The following GDAP1 variants were observed in gnomAD, a reference collection of about 807,000 sequenced individuals.
The protein encoded by GDAP1 is ganglioside induced differentiation associated protein 1, also known as ganglioside-induced differentiation-associated protein 1.
Under a neutral mutation model 40.1 loss-of-function variants are expected in GDAP1, and 34 were observed. The ratio of observed to expected loss-of-function variants is 0.85; its 90% CI spans 0.64 to 1.13. The LOEUF is 1.13. Among genes scored for constraint, GDAP1 ranks in the 50% most tolerant of loss-of-function variants. The probability of loss-of-function intolerance (pLI) is 0.00; values close to 1 mark genes in which losing one functional copy is unlikely to be tolerated. For synonymous variants in GDAP1, 170 were observed against 157.4 expected, an observed-to-expected ratio of 1.08 and a Z score of -0.60; for missense variants, 374 against 433.7, an observed-to-expected ratio of 0.86 and a Z score of 1.22.
At chr8:74,415,538 G>C (rs141293796) in intron 2 of GDAP1, among the ~76,000 whole-genome samples, 1 of 150,102 alleles carries the variant, frequency 6.7e-6, no homozygotes, top group Non-Finnish European at 1.5e-5. Context: ...GCAGAAAACT[G>C]TAAGTCCACA....
Position 74,356,535 on chromosome 8 carries a change from T to C in GDAP1, c.311-3602T>C, listed in dbSNP as rs73345380. On this transcript the variant is annotated intron_variant, in intron 2 of 5. Transcript: ENST00000220822. ...TTTGACACCGGGTCTTTTTGTTTTT[T>C]TTCTTATCTGTATTTAGATTTGCTC... Among the ~76,000 whole-genome samples the C allele has an allele frequency of 5.5e-3, 837 of 151,994 alleles. 8 individuals are homozygous for C. Among genetic ancestry groups the C allele is most frequent in the African/African-American group, 0.018 (743 of 41,496 alleles).
At chr8:74,437,573 A>G (rs1806107973) in intron 2 of GDAP1, among the ~76,000 whole-genome samples, 1 of 152,108 alleles carries the variant, frequency 6.6e-6, no homozygotes, top group African/African-American at 2.4e-5. Context: ...TCTCTTTCCC[A>G]TGCTGAGTTT....
At chr8:74,394,871 C>A (rs1461496696) in intron 2 of GDAP1, among the ~76,000 whole-genome samples, 1 of 152,112 alleles carries the variant, frequency 6.6e-6, no homozygotes, top group Non-Finnish European at 1.5e-5. Context: ...GGAACCAGGT[C>A]ATGTCAGGAA....
In GDAP1 at chr8:74,392,163, G is replaced by A. The variant is rs141761361; in HGVS notation, c.165+40842G>A. 6.0e-3 allele frequency among the ~76,000 whole-genome samples: 913 copies of A among 152,212 alleles called. 8 individuals carry two copies. The highest frequency in any genetic ancestry group is 0.02 in the African/African-American group (830 of 41,532). The stretch of plus-strand genomic sequence containing the variant: ...TACATATTGATTTCAGATACAGGGC[G>A]CAATAAAATCAGATCCAGTTATTTA... On this transcript the variant is annotated intron_variant, in intron 2 of 2. Coordinates refer to the GDAP1 transcript ENST00000523640.
intron 2 of GDAP1, among the ~76,000 whole-genome samples, chr8:74,437,966 T>A (rs1230095687): frequency 6.6e-6 from 1 of 152,152 alleles, no homozygotes; most frequent in African/African-American, 2.4e-5. Context: ...CACTGTGGTA[T>A]GTAGGAATAG....
At position 74,461,011 on chromosome 8, in the gene GDAP1, GC is replaced by G. The variant is rs1806394238; in HGVS notation, c.166-27666del. On this transcript the variant is annotated intron_variant, in intron 2 of 2. Transcript: ENST00000523640. ...GAGAGGGTATTCTCTATCCTCTTGG[GC>G]TTTCCCTACAGAACATCTTCTGCCA... Among the ~76,000 whole-genome samples, 3 of 151,788 alleles carry G rather than the reference GC, an allele frequency of 2.0e-5. No individual in the cohort carries two copies. In the South Asian group the frequency reaches 6.3e-4, roughly 32 times the overall value.
intron 2 of GDAP1, among the ~76,000 whole-genome samples, chr8:74,419,488 G>A (rs73331328): frequency 2.2e-3 from 331 of 152,184 alleles, no homozygotes; most frequent in African/African-American, 7.2e-3. Flanking sequence ...ACATATTCGG[G>A]TTTGGGGATT....
intron 2 of GDAP1, among the ~76,000 whole-genome samples, chr8:74,413,577 C>T (rs1805741759): frequency 6.7e-6 from 1 of 149,834 alleles, no homozygotes; most frequent in South Asian, 2.1e-4. Context: ...TTTTCTCATG[C>T]CCCATCTCTC....
chr8:74,384,722 G>A (rs73689113), intron 2 of GDAP1, among the ~76,000 whole-genome samples: 2,578 of 152,198 alleles, frequency 0.017, 72 homozygotes, highest in African/African-American at 0.059. Flanking sequence ...AAAGCACTAA[G>A]TAACACTGTA....
At chr8:74,472,803 G>A (rs557998784) in intron 2 of GDAP1, among the ~76,000 whole-genome samples, 1 of 151,078 alleles carries the variant, frequency 6.6e-6, no homozygotes, top group Non-Finnish European at 1.5e-5. Context: ...AGGCTGCAGG[G>A]CAGTGTTGTG....
intron 2 of GDAP1, among the ~76,000 whole-genome samples, chr8:74,386,898 A>G (rs146557012): frequency 0.058 from 8,846 of 152,230 alleles, 297 homozygotes; most frequent in East Asian, 0.12. Context: ...GAGGTCCTTC[A>G]CATCCCTTGT....
intron 2 of GDAP1, among the ~76,000 whole-genome samples, chr8:74,425,245 G>C (rs1586831216): frequency 6.6e-6 from 1 of 152,330 alleles, no homozygotes; most frequent in East Asian, 1.9e-4. Context: ...GAATGGTGCT[G>C]TTGATGAGTA....
chr8:74,400,494 G>C (rs943556870), intron 2 of GDAP1, among the ~76,000 whole-genome samples: 1 of 149,782 alleles, frequency 6.7e-6, no homozygotes, highest in African/African-American at 2.6e-5. Flanking sequence ...GATGGGTCTT[G>C]ACTCTTTATC....
chr8:74,433,732 G>C (rs1008051445), intron 2 of GDAP1, among the ~76,000 whole-genome samples: 4 of 152,154 alleles, frequency 2.6e-5, no homozygotes, highest in African/African-American at 9.7e-5. Context: ...TGATCTCTAG[G>C]TGCCTGGAAG....
intron 2 of GDAP1, among the ~76,000 whole-genome samples, chr8:74,471,218 G>C (rs981222752): frequency 6.6e-6 from 1 of 152,068 alleles, no homozygotes; most frequent in African/African-American, 2.4e-5. Flanking sequence ...TCTGATGGTA[G>C]TTTCTTTTGC....
intron 2 of GDAP1, among the ~76,000 whole-genome samples, chr8:74,425,999 A>C (rs117027045): frequency 5.9e-5 from 9 of 152,286 alleles, no homozygotes; most frequent in Non-Finnish European, 1.2e-4. Context: ...TTACTCTAAA[A>C]TTTGATATGT....
intron 2 of GDAP1, among the ~76,000 whole-genome samples, chr8:74,483,327 A>T (rs192661491): frequency 6.6e-5 from 10 of 152,230 alleles, no homozygotes; most frequent in African/African-American, 2.2e-4. Flanking sequence ...CATTTGAACC[A>T]TAGTTTTTCA....
chr8:74,428,808 T>C (rs1805987669), intron 2 of GDAP1, among the ~76,000 whole-genome samples: 1 of 151,362 alleles, frequency 6.6e-6, no homozygotes. Flanking sequence ...TTAAGAAAGC[T>C]ACAAATAAAT....
At chr8:74,407,887 C>T (rs1805661411) in intron 2 of GDAP1, among the ~76,000 whole-genome samples, 1 of 149,722 alleles carries the variant, frequency 6.7e-6, no homozygotes, top group Middle Eastern at 3.2e-3. Flanking sequence ...ACTTAGACAA[C>T]AGGAAAAGAA....
Sources: gnomAD v4.1 joint callset for allele counts (sites outside exome capture counted in the v4.1 genomes callset) on GRCh38, gnomAD v4.1.1 for gene constraint, MANE v1.5 for transcripts, NCBI Gene and HGNC (gene_info 2026-07-23, HGNC 2026-07-21) for gene names.